The following TENM3 variants were observed in gnomAD, a reference collection of about 807,000 sequenced individuals.
The protein encoded by TENM3 is teneurin transmembrane protein 3.
In TENM3, 63 loss-of-function variants were observed where a neutral mutation model predicts 255.1. That is an observed-to-expected ratio of 0.25 (90% CI 0.20 to 0.30). TENM3 has a LOEUF of 0.30. TENM3 is among the 10% of genes least tolerant of loss of function. The probability of loss-of-function intolerance (pLI) is 1.00; values close to 1 mark genes in which losing one functional copy is unlikely to be tolerated. For missense variants in TENM3, 2,929 were observed against 3,461.1 expected, an observed-to-expected ratio of 0.85 and a Z score of 3.86; for synonymous variants, 1,306 against 1,322.3, an observed-to-expected ratio of 0.99 and a Z score of 0.27.
At chr4:182,235,659 G>A (rs1356952090) in intron 1 of TENM3, among the ~76,000 whole-genome samples, 3 of 149,972 alleles carry the variant, frequency 2.0e-5, no homozygotes, top group Non-Finnish European at 3.0e-5. Flanking sequence ...TACTACACAC[G>A]ACCACACGGG....
chr4:182,004,704 A>T, the TENM3 span, among the ~76,000 whole-genome samples: 1 of 152,104 alleles, frequency 6.6e-6, no homozygotes, highest in Non-Finnish European at 1.5e-5. Context: ...GTGTAAAAGC[A>T]TTCCTATTTC....
the TENM3 span, among the ~76,000 whole-genome samples, chr4:181,709,716 T>C: frequency 1.3e-5 from 2 of 152,210 alleles, no homozygotes; most frequent in East Asian, 1.9e-4. Flanking sequence ...GGGACAGCCA[T>C]GGAAACAAGA....
intron 1 of TENM3, among the ~76,000 whole-genome samples, chr4:182,181,503 C>T (rs1387390283): frequency 1.3e-5 from 2 of 152,150 alleles, no homozygotes; most frequent in Non-Finnish European, 2.9e-5. Flanking sequence ...TATTTGACCA[C>T]CTTTTTATAA....
At chr4:181,715,473 C>T in the TENM3 span, among the ~76,000 whole-genome samples, 2 of 152,068 alleles carry the variant, frequency 1.3e-5, no homozygotes, top group Non-Finnish European at 2.9e-5. Flanking sequence ...GCTGGTGATT[C>T]AAAATAGTTT....
chr4:182,511,362 A>G (rs558878850), intron 3 of TENM3, among the ~76,000 whole-genome samples: 2 of 152,230 alleles, frequency 1.3e-5, no homozygotes, highest in Non-Finnish European at 2.9e-5. Context: ...ATTAGATGTC[A>G]GTGTATACTT....
At chr4:182,170,478 A>G (rs1030005149) in intron 1 of TENM3, among the ~76,000 whole-genome samples, 4 of 152,172 alleles carry the variant, frequency 2.6e-5, no homozygotes, top group East Asian at 1.9e-4. Flanking sequence ...CCAAATTCAA[A>G]CTTTATAAAT....
chr4:181,456,887 A>T, the TENM3 span, among the ~76,000 whole-genome samples: 137 of 152,012 alleles, frequency 9.0e-4, 1 homozygote, highest in Non-Finnish European at 1.7e-3. Context: ...ATTAAGAACT[A>T]TCCATAGAAT....
chr4:181,752,881 G>A, the TENM3 span, among the ~76,000 whole-genome samples: 6 of 152,048 alleles, frequency 3.9e-5, no homozygotes, highest in African/African-American at 1.4e-4. Context: ...TAGCTCAGTG[G>A]CAATTTAATA....
At chr4:181,592,599 A>C in the TENM3 span, among the ~76,000 whole-genome samples, 1 of 151,700 alleles carries the variant, frequency 6.6e-6, no homozygotes, top group Non-Finnish European at 1.5e-5. Context: ...AGCTAAAAGA[A>C]CGAAGTAAAA....
chr4:182,170,484 T>C (rs1053426841), intron 1 of TENM3, among the ~76,000 whole-genome samples: 2 of 152,174 alleles, frequency 1.3e-5, no homozygotes, highest in Non-Finnish European at 2.9e-5. Flanking sequence ...TCAAACTTTA[T>C]AAATCTGATC....
chr4:182,066,599 A>AT, the TENM3 span, among the ~76,000 whole-genome samples: 54 of 137,114 alleles, frequency 3.9e-4, no homozygotes, highest in African/African-American at 1.3e-3. Flanking sequence ...GTAAAAAAAA[A>AT]ATATATATAT....
the TENM3 span, among the ~76,000 whole-genome samples, chr4:181,737,222 C>T: frequency 0.014 from 2,140 of 152,156 alleles, 52 homozygotes; most frequent in African/African-American, 0.049. Context: ...TCCACTTTAG[C>T]GAACTTTGAA....
At chr4:182,663,151 C>G (rs1466536553) in intron 6 of TENM3, among the ~76,000 whole-genome samples, 8 of 152,136 alleles carry the variant, frequency 5.3e-5, no homozygotes. Context: ...TTCATTCTAA[C>G]TAGTGTAATA....
At chr4:182,676,175 C>T (rs1000313994) in intron 7 of TENM3, among the ~76,000 whole-genome samples, 1 of 152,192 alleles carries the variant, frequency 6.6e-6, no homozygotes, top group Non-Finnish European at 1.5e-5. Flanking sequence ...CTTGAGCTTT[C>T]GCAGTCTTTG....
upstream of TENM3, chr4:182,144,497 A>G (rs1206841907): frequency 6.8e-6 from 1 of 146,596 alleles, no homozygotes; most frequent in African/African-American, 2.5e-5. Context: ...AAGAAAGTGA[A>G]CTCATTGGCG....
chr4:182,253,571 A>C (rs1364612038), intron 1 of TENM3, among the ~76,000 whole-genome samples: 1 of 152,234 alleles, frequency 6.6e-6, no homozygotes, highest in African/African-American at 2.4e-5. Context: ...TATGGAAGGC[A>C]TACTTCAGAT....
chr4:182,551,728 A>G (rs1003000492), intron 3 of TENM3, among the ~76,000 whole-genome samples: 3 of 151,832 alleles, frequency 2.0e-5, no homozygotes, highest in Non-Finnish European at 4.4e-5. Context: ...TACTGTATTT[A>G]AAGTTAAATG....
At chr4:182,005,152 G>A in the TENM3 span, among the ~76,000 whole-genome samples, 1 of 152,154 alleles carries the variant, frequency 6.6e-6, no homozygotes, top group Non-Finnish European at 1.5e-5. Context: ...CCATGCCTAT[G>A]TCCTGAATGG....
the TENM3 span, among the ~76,000 whole-genome samples, chr4:182,034,939 G>A: frequency 3.9e-5 from 6 of 152,056 alleles, no homozygotes; most frequent in African/African-American, 9.7e-5. Context: ...GTCTTGTTAG[G>A]TTGGGGAAGT....
Sources: allele counts gnomAD v4.1 joint callset (sites outside exome capture counted in the v4.1 genomes callset), GRCh38; gene constraint gnomAD v4.1.1; transcripts MANE v1.5; gene names NCBI Gene and HGNC (gene_info 2026-07-23, HGNC 2026-07-21).